SNX13: variants seen among roughly 807,000 people sequenced by gnomAD.
SNX13 encodes the protein sorting nexin-13.
Under a neutral mutation model 133.6 loss-of-function variants are expected in SNX13, and 45 were observed. The ratio of observed to expected loss-of-function variants is 0.34; its 90% CI spans 0.27 to 0.43. The LOEUF is 0.43. SNX13 is among the 20% of genes least tolerant of loss of function. The pLI is 1.00. For missense variants in SNX13, 1,032 were observed against 1,145.1 expected, an observed-to-expected ratio of 0.90 and a Z score of 1.43; for synonymous variants, 414 against 373.9, an observed-to-expected ratio of 1.11 and a Z score of -1.24.
intron 18 of SNX13, among the ~76,000 whole-genome samples, chr7:17,820,349 T>C (rs1787150049): frequency 6.6e-6 from 1 of 152,008 alleles, no homozygotes; most frequent in South Asian, 2.1e-4. Flanking sequence ...CTATATGCTT[T>C]TAAAATATCA....
In SNX13 at chr7:17,914,188, A is replaced by T. The variant is rs1252522336; in HGVS notation, c.13-16742T>A. On this transcript the variant is annotated intron_variant, in intron 1 of 25. Transcript: ENST00000428135. ...CACCCAGTCAGACAAAAGAAAAAAG[A>T]ATTTAAGGAAATGGGAGAAAAAAAA... Among the ~76,000 whole-genome samples the T allele has an allele frequency of 3.6e-5, 5 of 137,430 alleles. No individual in the cohort carries two copies. In the East Asian group the frequency reaches 1.2e-3, roughly 33 times the overall value. The allele number at this position is 137,430 out of a possible 152,430, so 90.2% of individuals were successfully genotyped here.
At chr7:17,924,035 T>C (rs1800441749) in intron 1 of SNX13, among the ~76,000 whole-genome samples, 1 of 152,220 alleles carries the variant, frequency 6.6e-6, no homozygotes. Context: ...ATCTTGTATA[T>C]ATGCTATTTG....
In SNX13 at chr7:17,873,515, A is replaced by T; in HGVS notation, c.753+13T>A. 1 of 1,535,898 alleles carries T rather than the reference A, an allele frequency of 6.5e-7. No homozygotes were observed. The highest frequency in any genetic ancestry group is 8.7e-7 in the Non-Finnish European group (1 of 1,143,224). ...TTTTTTGCAGGTATGATATGGTATG[A>T]GTTTAAGCTTACCCTGACAAAGTAT... On this transcript the variant is annotated intron_variant, in intron 8 of 25. Transcript: ENST00000428135.
chr7:17,858,003 A>G (rs1236941341), intron 9 of SNX13, among the ~76,000 whole-genome samples: 1 of 152,214 alleles, frequency 6.6e-6, no homozygotes, highest in Admixed American at 6.5e-5. Flanking sequence ...ATCTCTCAAA[A>G]TATTAGGTAT....
intron 9 of SNX13, 99 bp downstream of exon 9, chr7:17,868,307 TC>T: frequency 1.2e-6 from 1 of 809,742 alleles, no homozygotes; most frequent in Non-Finnish European, 2.0e-6. Context: ...TTACTTAATT[TC>T]TTTAATAAAT....
chr7:17,897,634 A>G (rs1361145482), intron 1 of SNX13, among the ~76,000 whole-genome samples, 188 bp from the exon 2 acceptor site: 3 of 152,146 alleles, frequency 2.0e-5, no homozygotes, highest in East Asian at 1.9e-4. Flanking sequence ...TACAAAATTT[A>G]TATGTATAGA....
intron 5 of SNX13, chr7:17,881,783 T>C (rs1355052282): frequency 6.6e-6 from 1 of 152,184 alleles, no homozygotes; most frequent in Non-Finnish European, 1.5e-5. Context: ...TTCAGAGTCC[T>C]TGAAGAACTA....
At chr7:17,834,941 G>T in intron 13 of SNX13, 76 bp from the exon 14 acceptor site, 1 of 826,128 alleles carries the variant, frequency 1.2e-6, no homozygotes, top group Non-Finnish European at 1.9e-6. Context: ...TGATAATAAT[G>T]GAATCATATT....
chr7:17,929,981 A>G (rs1022524638), intron 1 of SNX13, among the ~76,000 whole-genome samples: 2 of 152,188 alleles, frequency 1.3e-5, no homozygotes, highest in Non-Finnish European at 2.9e-5. Context: ...AACTACCTCA[A>G]TCAAAGAACA....
chr7:17,812,701 T>G (rs1249374420), intron 20 of SNX13, among the ~76,000 whole-genome samples: 1 of 152,176 alleles, frequency 6.6e-6, no homozygotes, highest in Non-Finnish European at 1.5e-5. Context: ...CACACGTATG[T>G]TTATTGCAGC....
intron 12 of SNX13, among the ~76,000 whole-genome samples, chr7:17,842,727 TA>T (rs1327770146): frequency 3.3e-5 from 5 of 152,068 alleles, no homozygotes; most frequent in African/African-American, 1.2e-4. Context: ...GTAACTCATT[TA>T]AAAGAACTAT....
chr7:17,833,300 T>G (rs915323121), intron 15 of SNX13, among the ~76,000 whole-genome samples: 5 of 151,692 alleles, frequency 3.3e-5, no homozygotes, highest in African/African-American at 1.2e-4. Context: ...TTGATACTTG[T>G]GTTTTACTTT....
chr7:17,796,965 T>G (rs748518536), intron 24 of SNX13, 26 bp from the exon 25 acceptor site: 2 of 1,474,474 alleles, frequency 1.4e-6, no homozygotes, highest in African/African-American at 2.8e-5. Flanking sequence ...AAATACATTT[T>G]GTAAACATTT....
intron 5 of SNX13, chr7:17,882,498 A>G (rs1795463016): frequency 1.3e-5 from 2 of 152,246 alleles, no homozygotes; most frequent in South Asian, 2.1e-4. Context: ...TCATTTAGAA[A>G]TATATTAAAA....
At chr7:17,924,755 T>A (rs528285780) in intron 1 of SNX13, among the ~76,000 whole-genome samples, 1 of 152,296 alleles carries the variant, frequency 6.6e-6, no homozygotes, top group African/African-American at 2.4e-5. Flanking sequence ...AAGCAAAATG[T>A]AGTATATCCA....
At chr7:17,873,994 C>A (rs1794409046) in intron 7 of SNX13, among the ~76,000 whole-genome samples, 1 of 152,090 alleles carries the variant, frequency 6.6e-6, no homozygotes, top group Non-Finnish European at 1.5e-5. Flanking sequence ...TGTAATTCTT[C>A]TTTCAAGAAA....
rs78169789 is a variant in SNX13, at chr7:17,914,952, T to C, written c.13-17506A>G. On this transcript the variant is annotated intron_variant, in intron 1 of 25. Coordinates refer to ENST00000428135, the MANE Select transcript of SNX13 (RefSeq NM_015132.5). ...TGGCAATTGGGCAAACAAAGACCCATTCTTTTACTACCTTTAAGAGACTCA... is the reference window on the plus strand; with the variant it reads ...TGGCAATTGGGCAAACAAAGACCCACTCTTTTACTACCTTTAAGAGACTCA... 7.1e-3 allele frequency among the ~76,000 whole-genome samples: 1,078 copies of C among 152,288 alleles called. 55 individuals carry two copies. Among genetic ancestry groups the C allele is most frequent in the Admixed American group, 0.056 (859 of 15,300 alleles).
intron 5 of SNX13, among the ~76,000 whole-genome samples, chr7:17,887,445 G>A (rs1328679739): frequency 4.6e-5 from 7 of 152,046 alleles, no homozygotes. Flanking sequence ...CAAGGGTGCT[G>A]GAGGAAAGTT....
chr7:17,843,975 T>C (rs868546005), intron 12 of SNX13, among the ~76,000 whole-genome samples: 7 of 152,016 alleles, frequency 4.6e-5, no homozygotes, highest in South Asian at 2.1e-4. Context: ...CAAATCATCT[T>C]TCCTTATGTT....
Sources: gnomAD v4.1 joint callset for allele counts (sites outside exome capture counted in the v4.1 genomes callset) on GRCh38, gnomAD v4.1.1 for gene constraint, MANE v1.5 for transcripts, NCBI Gene and HGNC (gene_info 2026-07-23, HGNC 2026-07-21) for gene names.